Variants in CDC42BPB observed in about 807,000 individuals in gnomAD.
CDC42BPB encodes the protein CDC42 binding protein kinase beta, also known as serine/threonine-protein kinase MRCK beta.
In CDC42BPB, 37 loss-of-function variants were observed where a neutral mutation model predicts 214.9. The ratio of observed to expected loss-of-function variants is 0.17; its 90% CI spans 0.13 to 0.23. CDC42BPB has a LOEUF of 0.23. Among genes scored for constraint, CDC42BPB ranks in the 10% least tolerant of loss-of-function variants. CDC42BPB has a pLI of 1.00. For missense variants in CDC42BPB, 1,694 were observed against 2,227.0 expected, an observed-to-expected ratio of 0.76 and a Z score of 4.82; for synonymous variants, 931 against 884.0, an observed-to-expected ratio of 1.05 and a Z score of -0.94.
chr14:102,945,828 T>TG lies in CDC42BPB; in HGVS notation c.3749-105dup, dbSNP rs1464329688. 75 of 954,862 alleles carry TG rather than the reference T, an allele frequency of 7.9e-5. 2 individuals are homozygous for TG. In the Middle Eastern group the frequency reaches 8.5e-4, roughly 11 times the overall value. 59.1% of individuals were successfully genotyped at this position (954,862 alleles called of 1,614,324 possible). A position where few individuals can be genotyped will look rare whatever the true frequency, so the allele number is the denominator to read the frequency against. On this transcript the variant is annotated intron_variant, in intron 28 of 36. Transcript: ENST00000361246. The stretch of plus-strand genomic sequence containing the variant: ...CATTCACAGATACTTTTCAACCATA[T>TG]GTGGATGAGAATACAGCATTCCAGG...
chr14:102,940,452 G>C, intron 30 of CDC42BPB, 128 bp from the exon 31 acceptor site: 1 of 1,486,310 alleles, frequency 6.7e-7, no homozygotes, highest in Non-Finnish European at 9.0e-7. Context: ...GCTGGTTCAC[G>C]TCACCAAAGA....
chr14:103,020,290 C>T (rs17101197), intron 1 of CDC42BPB, among the ~76,000 whole-genome samples: 10,656 of 152,264 alleles, frequency 0.07, 836 homozygotes, highest in African/African-American at 0.2. Flanking sequence ...GCAGAGGACA[C>T]AAGGGACAGA....
Position 102,994,966 on chromosome 14 carries a change from C to T in CDC42BPB, c.596+4599G>A, listed in dbSNP as rs373050015. The stretch of plus-strand genomic sequence containing the variant: ...AGCCACTCTGACCGCCAGATCTTCT[C>T]TCCGAGGTTTTCTTTTCTTTTTTTC... On this transcript the variant is annotated intron_variant, in intron 5 of 36. Coordinates refer to ENST00000361246, the MANE Select transcript of CDC42BPB (RefSeq NM_006035.4). Among the ~76,000 whole-genome samples the T allele has an allele frequency of 5.6e-4, 85 of 152,370 alleles. 1 individual carries two copies. Among genetic ancestry groups the T allele is most frequent in the African/African-American group, 2.0e-3 (84 of 41,594 alleles).
chr14:102,980,203 G>A (rs757708466), intron 8 of CDC42BPB, among the ~76,000 whole-genome samples: 1 of 152,212 alleles, frequency 6.6e-6, no homozygotes, highest in Admixed American at 6.5e-5. Context: ...GCTTTGAAAA[G>A]TATCAAGTAG....
intron 1 of CDC42BPB, among the ~76,000 whole-genome samples, chr14:103,053,613 T>A (rs1441265433): frequency 1.3e-5 from 2 of 150,540 alleles, no homozygotes. Flanking sequence ...TACAAAAAAA[T>A]TAGCCAGGCG....
chr14:103,025,504 A>G (rs948438231), intron 1 of CDC42BPB, among the ~76,000 whole-genome samples: 1 of 150,978 alleles, frequency 6.6e-6, no homozygotes, highest in Non-Finnish European at 1.5e-5. Flanking sequence ...ACTAGTACAC[A>G]TTAAAAAAAA....
intron 6 of CDC42BPB, chr14:102,984,012 C>T (rs1894125309): frequency 6.2e-6 from 2 of 323,524 alleles, no homozygotes; most frequent in African/African-American, 4.5e-5. Flanking sequence ...CAACATGGTC[C>T]CCAACCCTGT....
chr14:103,018,745 G>A (rs1394266746), intron 1 of CDC42BPB, among the ~76,000 whole-genome samples: 1 of 152,202 alleles, frequency 6.6e-6, no homozygotes, highest in Non-Finnish European at 1.5e-5. Context: ...GTCTGAAATC[G>A]TGAAGAGACC....
chr14:103,033,626 C>T (rs1279886207), intron 1 of CDC42BPB, among the ~76,000 whole-genome samples: 1 of 152,106 alleles, frequency 6.6e-6, no homozygotes, highest in Non-Finnish European at 1.5e-5. Flanking sequence ...ATACTCATTA[C>T]ACAAATACCA....
At chr14:102,972,330 C>A in intron 12 of CDC42BPB, 169 bp from the exon 13 acceptor site, 1 of 985,372 alleles carries the variant, frequency 1.0e-6, no homozygotes, top group Non-Finnish European at 1.2e-6. Context: ...CTGTCTCGTG[C>A]CAGCCACACA....
intron 17 of CDC42BPB, 126 bp from the exon 18 acceptor site, chr14:102,966,513 C>A: frequency 6.8e-7 from 1 of 1,480,748 alleles, no homozygotes; most frequent in East Asian, 2.5e-5. Flanking sequence ...AGAGTGCCCG[C>A]AGTGTACCCG....
chr14:102,960,812 A>G (rs1892924436), intron 20 of CDC42BPB, among the ~76,000 whole-genome samples: 1 of 152,136 alleles, frequency 6.6e-6, no homozygotes, highest in South Asian at 2.1e-4. Context: ...ATAAAACTGG[A>G]TACACTCCTC....
chr14:103,039,631 G>A (rs1887870358), intron 1 of CDC42BPB, among the ~76,000 whole-genome samples: 1 of 152,100 alleles, frequency 6.6e-6, no homozygotes, highest in Non-Finnish European at 1.5e-5. Context: ...AACCTGAAAA[G>A]GGGCATTTAT....
chr14:103,006,911 T>C (rs1885858664), intron 3 of CDC42BPB, among the ~76,000 whole-genome samples: 1 of 152,210 alleles, frequency 6.6e-6, no homozygotes, highest in Admixed American at 6.5e-5. Context: ...AAACACCTGA[T>C]ACCTCTCTAC....
At chr14:102,956,565 C>G (rs930091382) in intron 21 of CDC42BPB, 2 of 220,690 alleles carry the variant, frequency 9.1e-6, no homozygotes, top group Non-Finnish European at 1.5e-5. Context: ...CACGGTGGCT[C>G]ATGCCTATAA....
rs1194815801 is a variant in CDC42BPB at position 102,973,874 on chromosome 14, G to C, written c.1641+142C>G. ...GGCGTGGCAGGGGCCCCGGGGCCAG[G>C]CTTGGCCCTGGCGTCCTGCATGCAG... On this transcript the variant is annotated intron_variant, in intron 12 of 36. Transcript: ENST00000361246. 3 of 1,098,426 alleles carry C rather than the reference G, an allele frequency of 2.7e-6. No homozygotes were observed. The African/African-American group carries it at 4.9e-5, about 18-fold the overall frequency. 68.0% of individuals were successfully genotyped at this position (1,098,426 alleles called of 1,614,324 possible).
In CDC42BPB at chr14:102,944,357, C is replaced by T. The variant is rs369033820; in HGVS notation, c.3942G>A (p.Ala1314=). The part of the protein sequence containing the change: ...HLYPWSSLDG[A]EGSFDIKLPE... ...GAAGCTTGATGTCAAAGCTGCCTTC[C>T]GCTCCATCAAGGGACGACCACGGAT... Residue 1314 remains alanine (A), a synonymous_variant, in exon 30 of 37, where the codon GCG becomes GCA. Transcript: ENST00000361246. This position sits in a 1 kb window ranked among gnomAD's most constrained non-coding sequence, Gnocchi z 6.6. 19 of 1,612,602 alleles carry T rather than the reference C, an allele frequency of 1.2e-5. No homozygotes were observed. The highest frequency in any genetic ancestry group is 6.7e-5 in the East Asian group (3 of 44,894).
chr14:103,051,154 C>CGGGGGGGGGGGGGGGG (rs1179516926), intron 1 of CDC42BPB, among the ~76,000 whole-genome samples: 5 of 6,826 alleles, frequency 7.3e-4, no homozygotes, highest in African/African-American at 1.9e-3. Context: ...GTATTTGGGG[C>CGGGGGGGGGGGGGGGG]GGGGGGGCGG....
chr14:103,057,293 C>T lies in CDC42BPB; in HGVS notation c.-120G>A. ...CCCGGCAGCAGCGGCGCCTCCTCGC[C>T]GCCCCGTCCGCGTCGTCGCGCCCCG... On this transcript the variant is annotated 5_prime_UTR_variant, in exon 1 of 37. Transcript: ENST00000361246. The T allele has an allele frequency of 8.3e-6, 9 of 1,089,128 alleles. No homozygotes were observed. Among genetic ancestry groups the T allele is most frequent in the Non-Finnish European group, 8.9e-6 (8 of 898,330 alleles). 67.5% of individuals were successfully genotyped at this position (1,089,128 alleles called of 1,614,324 possible). A position where few individuals can be genotyped will look rare whatever the true frequency, so the allele number is the denominator to read the frequency against.
Sources: gnomAD v4.1 joint callset for allele counts (sites outside exome capture counted in the v4.1 genomes callset) on GRCh38, gnomAD v4.1.1 for gene constraint, Gnocchi (gnomAD v3.1) non-coding constraint, MANE v1.5 for transcripts, NCBI Gene and HGNC (gene_info 2026-07-23, HGNC 2026-07-21) for gene names.